The following AGBL4 variants were observed in gnomAD, a reference collection of about 807,000 sequenced individuals.
AGBL4 encodes cytosolic carboxypeptidase 6.
AGBL4 carries 58 observed loss-of-function variants against 66.4 expected under a neutral mutation model. The observed-to-expected ratio is 0.87, with a 90% CI of 0.71 to 1.09. AGBL4 has a LOEUF of 1.09. AGBL4 is among the 50% of genes least tolerant of loss of function. AGBL4 has a pLI of 0.00. For missense variants in AGBL4, 579 were observed against 631.0 expected, an observed-to-expected ratio of 0.92 and a Z score of 0.88; for synonymous variants, 234 against 222.9, an observed-to-expected ratio of 1.05 and a Z score of -0.44.
chr1:49,511,814 T>G (rs1434092974), intron 3 of AGBL4, among the ~76,000 whole-genome samples: 1 of 151,926 alleles, frequency 6.6e-6, no homozygotes, highest in Non-Finnish European at 1.5e-5. Flanking sequence ...ACATTGTACA[T>G]GGACAGTTGA....
intron 3 of AGBL4, among the ~76,000 whole-genome samples, chr1:49,557,388 A>C (rs750579007): frequency 6.6e-6 from 1 of 152,140 alleles, no homozygotes; most frequent in African/African-American, 2.4e-5. Context: ...GAAGAAATAG[A>C]AAAAATAGTC....
intron 3 of AGBL4, among the ~76,000 whole-genome samples, chr1:49,412,086 T>A (rs1176094833): frequency 6.6e-6 from 1 of 152,158 alleles, no homozygotes. Context: ...GCTAGTTTTA[T>A]TTTTCTTTTC....
intron 6 of AGBL4, among the ~76,000 whole-genome samples, chr1:48,701,361 T>C (rs1646797617): frequency 7.7e-5 from 3 of 39,032 alleles, no homozygotes; most frequent in Admixed American, 8.2e-4. Flanking sequence ...GGCAGGTGTC[T>C]GCCTCATTTT....
chr1:48,639,479 T>G (rs964774456), intron 8 of AGBL4, among the ~76,000 whole-genome samples: 7 of 152,338 alleles, frequency 4.6e-5, no homozygotes, highest in Admixed American at 4.6e-4. Context: ...CACAGAGATC[T>G]CTTTCGGCTC....
At chr1:49,537,634 A>G (rs557275040) in intron 3 of AGBL4, among the ~76,000 whole-genome samples, 2 of 152,318 alleles carry the variant, frequency 1.3e-5, no homozygotes, top group African/African-American at 4.8e-5. Flanking sequence ...TGACAAGGGT[A>G]AGTCAGCAGG....
chr1:48,617,586 T>C (rs1482341358), intron 9 of AGBL4, among the ~76,000 whole-genome samples: 1 of 152,242 alleles, frequency 6.6e-6, no homozygotes, highest in Non-Finnish European at 1.5e-5. Flanking sequence ...TACGTGCTTC[T>C]GTTCATGTGA....
chr1:49,678,893 T>C (rs1439158970), intron 3 of AGBL4, among the ~76,000 whole-genome samples: 1 of 152,158 alleles, frequency 6.6e-6, no homozygotes, highest in South Asian at 2.1e-4. Context: ...GGATATGGTA[T>C]ATCCTCTATA....
At chr1:48,643,763 G>A (rs898356846) in intron 8 of AGBL4, among the ~76,000 whole-genome samples, 30 of 135,418 alleles carry the variant, frequency 2.2e-4, no homozygotes, top group African/African-American at 7.2e-4. Context: ...TTATCTGACT[G>A]GTCAGCTCCG....
intron 3 of AGBL4, among the ~76,000 whole-genome samples, chr1:49,649,095 C>T (rs1208402738): frequency 6.6e-6 from 1 of 152,072 alleles, no homozygotes; most frequent in African/African-American, 2.4e-5. Flanking sequence ...GGGACAAATA[C>T]AGCAGATATT....
intron 8 of AGBL4, among the ~76,000 whole-genome samples, chr1:48,640,324 T>C (rs1301371177): frequency 6.6e-6 from 1 of 152,188 alleles, no homozygotes; most frequent in Non-Finnish European, 1.5e-5. Flanking sequence ...GCAGGGATAA[T>C]GTGTGAGTTA....
chr1:49,144,151 T>C (rs867285805), intron 4 of AGBL4, among the ~76,000 whole-genome samples: 3 of 152,162 alleles, frequency 2.0e-5, no homozygotes, highest in African/African-American at 7.2e-5. Context: ...CAAGCACTGT[T>C]AACTTGCTCT....
downstream of AGBL4, among the ~76,000 whole-genome samples, chr1:48,531,891 C>A (rs929630673): frequency 2.0e-5 from 3 of 152,164 alleles, no homozygotes; most frequent in African/African-American, 7.2e-5. Flanking sequence ...TCAAGCAATT[C>A]TCCTGCCCCA....
intron 4 of AGBL4, among the ~76,000 whole-genome samples, chr1:49,239,122 A>G (rs975469626): frequency 6.6e-6 from 1 of 152,164 alleles, no homozygotes; most frequent in Non-Finnish European, 1.5e-5. Flanking sequence ...ATTTTAGGGC[A>G]TTACATTAAT....
At chr1:48,794,865 A>G (rs1251674568) in intron 6 of AGBL4, among the ~76,000 whole-genome samples, 1 of 152,200 alleles carries the variant, frequency 6.6e-6, no homozygotes, top group Non-Finnish European at 1.5e-5. Context: ...CTTACTAGAC[A>G]TACCAACTTT....
At chr1:48,676,794 A>G (rs1254065696) in intron 6 of AGBL4, among the ~76,000 whole-genome samples, 1 of 152,200 alleles carries the variant, frequency 6.6e-6, no homozygotes, top group East Asian at 1.9e-4. Context: ...TATTAGAACC[A>G]TGCAGCAGCT....
At chr1:49,972,012 C>A (rs1015954354) in intron 1 of AGBL4, among the ~76,000 whole-genome samples, 1 of 144,444 alleles carries the variant, frequency 6.9e-6, no homozygotes, top group Admixed American at 7.1e-5. Flanking sequence ...CTGCCTCCTA[C>A]GTTCACGCCA....
At chr1:49,429,551 G>A (rs1645737583) in intron 3 of AGBL4, among the ~76,000 whole-genome samples, 1 of 152,110 alleles carries the variant, frequency 6.6e-6, no homozygotes, top group Non-Finnish European at 1.5e-5. Flanking sequence ...AGGGAAAATT[G>A]ACTTAGTTCA....
chr1:49,813,737 C>T (rs1645163907), intron 2 of AGBL4, among the ~76,000 whole-genome samples: 1 of 151,152 alleles, frequency 6.6e-6, no homozygotes, highest in Non-Finnish European at 1.5e-5. Context: ...AAATATATAA[C>T]AGGTCTGGTG....
At chr1:49,296,073 T>A (rs774187311) in intron 3 of AGBL4, among the ~76,000 whole-genome samples, 17 of 152,106 alleles carry the variant, frequency 1.1e-4, no homozygotes, top group Non-Finnish European at 2.1e-4. Flanking sequence ...CTAAGACCCT[T>A]AAAAATGTTT....
Sources: gnomAD v4.1 joint callset for allele counts (sites outside exome capture counted in the v4.1 genomes callset) on GRCh38, gnomAD v4.1.1 for gene constraint, MANE v1.5 for transcripts, NCBI Gene and HGNC (gene_info 2026-07-23, HGNC 2026-07-21) for gene names.